Variants in PLCB1 observed in about 807,000 individuals in gnomAD.
The protein encoded by PLCB1 is phospholipase C beta 1, also known as 1-phosphatidylinositol 4,5-bisphosphate phosphodiesterase beta-1.
Under a neutral mutation model 161.8 loss-of-function variants are expected in PLCB1, and 46 were observed. That is an observed-to-expected ratio of 0.28 (90% CI 0.22 to 0.36). The LOEUF (loss-of-function observed/expected upper bound fraction) is 0.36. Among genes scored for constraint, PLCB1 ranks in the 10% least tolerant of loss-of-function variants. The pLI, the probability that PLCB1 is intolerant of heterozygous loss-of-function variation, is 1.00. For synonymous variants in PLCB1, 517 were observed against 503.7 expected, an observed-to-expected ratio of 1.03 and a Z score of -0.35; for missense variants, 1,016 against 1,472.5, an observed-to-expected ratio of 0.69 and a Z score of 5.07.
At chr20:8,681,763 A>G (rs6055997) in intron 9 of PLCB1, among the ~76,000 whole-genome samples, 70,660 of 152,032 alleles carry the variant, frequency 0.46, 16,741 homozygotes, top group Admixed American at 0.5. Flanking sequence ...TGCATAGGTG[A>G]AAAACAGCAA....
At chr20:8,413,607 T>G (rs1979138967) in intron 3 of PLCB1, among the ~76,000 whole-genome samples, 1 of 152,220 alleles carries the variant, frequency 6.6e-6, no homozygotes, top group Non-Finnish European at 1.5e-5. Flanking sequence ...TCAGAGAACC[T>G]TTCCAGGTAT....
At chr20:8,590,592 C>T (rs142776821) in intron 3 of PLCB1, among the ~76,000 whole-genome samples, 391 of 152,248 alleles carry the variant, frequency 2.6e-3, no homozygotes, top group Middle Eastern at 0.01. Flanking sequence ...TGGCTAAGAT[C>T]AAGGTGCCAG....
intron 3 of PLCB1, among the ~76,000 whole-genome samples, chr20:8,383,206 A>C (rs1197341842): frequency 6.6e-6 from 1 of 152,168 alleles, no homozygotes; most frequent in Non-Finnish European, 1.5e-5. Flanking sequence ...ATGTTTTATG[A>C]ACCTGGATGC....
intron 31 of PLCB1, among the ~76,000 whole-genome samples, chr20:8,831,906 T>C (rs767719559): frequency 1.7e-4 from 14 of 83,470 alleles, no homozygotes; most frequent in African/African-American, 4.9e-4. Flanking sequence ...CTCCCTCTCT[T>C]TCTTTCTCTT....
intron 31 of PLCB1, among the ~76,000 whole-genome samples, chr20:8,810,273 C>T (rs926505): frequency 0.81 from 123,199 of 152,032 alleles, 53,238 homozygotes; most frequent in Non-Finnish European, 0.95. Flanking sequence ...GTTAAAGCGA[C>T]GTGTCCAAGG....
At chr20:8,796,742 C>T (rs1024220346) in intron 31 of PLCB1, among the ~76,000 whole-genome samples, 2 of 152,134 alleles carry the variant, frequency 1.3e-5, no homozygotes, top group Non-Finnish European at 2.9e-5. Flanking sequence ...CTGGGCAATA[C>T]CAGGGCATTG....
intron 2 of PLCB1, among the ~76,000 whole-genome samples, chr20:8,257,135 GC>G (rs1462864772): frequency 6.6e-6 from 1 of 152,122 alleles, no homozygotes; most frequent in Non-Finnish European, 1.5e-5. Context: ...ATTCCCCAAA[GC>G]AACCTTCACC....
At chr20:8,293,831 A>G (rs976254442) in intron 2 of PLCB1, among the ~76,000 whole-genome samples, 2 of 152,180 alleles carry the variant, frequency 1.3e-5, no homozygotes, top group African/African-American at 4.8e-5. Flanking sequence ...AGAGTCAAGG[A>G]TGACACCATT....
chr20:8,662,203 T>C (rs1240487348), intron 9 of PLCB1, among the ~76,000 whole-genome samples: 1 of 70,458 alleles, frequency 1.4e-5, no homozygotes, highest in East Asian at 4.4e-4. Context: ...TATATAATTC[T>C]ATATTATATA....
intron 3 of PLCB1, among the ~76,000 whole-genome samples, chr20:8,418,217 G>C (rs1402015069): frequency 6.6e-6 from 1 of 152,172 alleles, no homozygotes; most frequent in Non-Finnish European, 1.5e-5. Flanking sequence ...AGATGCAACA[G>C]CAACAATCTT....
intron 2 of PLCB1, among the ~76,000 whole-genome samples, chr20:8,250,056 T>C (rs1981061037): frequency 6.6e-6 from 1 of 151,950 alleles, no homozygotes; most frequent in Non-Finnish European, 1.5e-5. Context: ...CCTGACTTAG[T>C]ACATTTAGTG....
chr20:8,297,614 A>T (rs185025273), intron 2 of PLCB1, among the ~76,000 whole-genome samples: 2 of 152,290 alleles, frequency 1.3e-5, no homozygotes, highest in East Asian at 3.9e-4. Flanking sequence ...AGTGGATAGT[A>T]TTGATTGGCA....
intron 9 of PLCB1, among the ~76,000 whole-genome samples, chr20:8,664,324 TTGAAA>T (rs1480078413): frequency 1.3e-5 from 2 of 152,244 alleles, no homozygotes; most frequent in Admixed American, 1.3e-4. Flanking sequence ...AGTTTAATAG[TTGAAA>T]TGAACTCAAG....
Position 8,685,027 on chromosome 20 carries a change from C to T in PLCB1, c.958C>T (p.Gln320Ter), listed in dbSNP as rs1178633001. The change falls in exon 10 of 32, where the codon CAG (glutamine) becomes TAG (stop). Residue 320 changes from glutamine to a stop codon, truncating the protein, a stop_gained. Transcript: ENST00000338037. LOFTEE classifies it high-confidence loss of function. ...EKLDLNEDMS[Q>*]PLSHYFINSS... The stretch of plus-strand genomic sequence containing the variant: ...ACTGGATTTGAATGAAGACATGTCT[C>T]AGCCCCTTTCTCACTATTTCATTAA... 1 of 1,613,602 alleles carries T rather than the reference C, an allele frequency of 6.2e-7. No individual in the cohort carries two copies. The highest frequency in any genetic ancestry group is 8.5e-7 in the Non-Finnish European group (1 of 1,179,516).
chr20:8,522,192 G>A (rs1984378217), intron 3 of PLCB1, among the ~76,000 whole-genome samples: 2 of 152,170 alleles, frequency 1.3e-5, no homozygotes, highest in Admixed American at 6.5e-5. Context: ...ATACAGAGAT[G>A]CAATGTAGGA....
chr20:8,291,609 C>A (rs1184515676), intron 2 of PLCB1, among the ~76,000 whole-genome samples: 5 of 152,168 alleles, frequency 3.3e-5, no homozygotes, highest in Non-Finnish European at 7.4e-5. Context: ...GTACATTCAA[C>A]TTCTTGTGTT....
At chr20:8,379,877 C>T (rs756959991) in intron 3 of PLCB1, among the ~76,000 whole-genome samples, 45 of 152,030 alleles carry the variant, frequency 3.0e-4, no homozygotes, top group Non-Finnish European at 5.1e-4. Context: ...TTTGTCAGAT[C>T]GGTTGATTGC....
chr20:8,580,320 A>G (rs114782480), intron 3 of PLCB1, among the ~76,000 whole-genome samples: 4,399 of 152,314 alleles, frequency 0.029, 221 homozygotes, highest in African/African-American at 0.1. Context: ...GAGAAAAGTT[A>G]AGGGAGTTGC....
intron 3 of PLCB1, among the ~76,000 whole-genome samples, chr20:8,523,496 C>CTCTCTCTATATATATATA: frequency 2.1e-4 from 11 of 51,652 alleles, no homozygotes; most frequent in East Asian, 1.6e-3. Context: ...CTCTCTCTCT[C>CTCTCTCTATATATATATA]TATATATATA....
Sources: allele counts gnomAD v4.1 joint callset (sites outside exome capture counted in the v4.1 genomes callset), GRCh38; gene constraint gnomAD v4.1.1; transcripts MANE v1.5; gene names NCBI Gene and HGNC (gene_info 2026-07-23, HGNC 2026-07-21).